The following KCTD19 variants were observed in gnomAD, a reference collection of about 807,000 sequenced individuals.
KCTD19 encodes the protein BTB/POZ domain-containing protein KCTD19.
KCTD19 carries 67 observed loss-of-function variants against 103.5 expected under a neutral mutation model. The ratio of observed to expected loss-of-function variants is 0.65; its 90% confidence interval spans 0.53 to 0.79. The LOEUF is 0.79. Among genes scored for constraint, KCTD19 ranks in the 30% least tolerant of loss-of-function variants. The pLI, the probability that KCTD19 is intolerant of heterozygous loss-of-function variation, is 0.00. For missense variants in KCTD19, 980 were observed against 1,136.1 expected, an observed-to-expected ratio of 0.86 and a Z score of 1.98; for synonymous variants, 439 against 452.2, an observed-to-expected ratio of 0.97 and a Z score of 0.37.
At chr16:67,297,922 C>T (rs1366430095) in intron 6 of KCTD19, among the ~76,000 whole-genome samples, 3 of 152,036 alleles carry the variant, frequency 2.0e-5, no homozygotes, top group Non-Finnish European at 2.9e-5. Context: ...TCCCAAGTAG[C>T]TGGAACTACA....
intron 2 of KCTD19, among the ~76,000 whole-genome samples, chr16:67,309,901 A>G (rs1420575055): frequency 6.6e-6 from 1 of 152,202 alleles, no homozygotes; most frequent in Non-Finnish European, 1.5e-5. Flanking sequence ...CCAAGCATGT[A>G]AAGTGTTAGC....
Position 67,293,923 on chromosome 16 carries a change from G to A in KCTD19, c.1839C>T (p.Cys613=), listed in dbSNP as rs1472416551. 5.0e-6 allele frequency: 8 copies of A among 1,614,144 alleles called. No individual in the cohort carries two copies. The highest frequency in any genetic ancestry group is 6.8e-6 in the Non-Finnish European group (8 of 1,180,022). ...ATTTCTGTGTGAGGTTGATTGTGGT[G>A]CATTTCTTCTTTGGGGGGCTCTCAG... is the stretch of plus-strand genomic sequence containing the variant. The part of the protein sequence containing the change: ...SHPESPPKKK[C]TTINLTQKSE... Residue 613 remains cysteine, a synonymous_variant, in exon 12 of 16, where the codon TGC becomes TGT. Transcript: ENST00000304372. The surrounding 1 kb of genome is among the most constrained non-coding windows in gnomAD (Gnocchi z 4.0).
chr16:67,297,387 G>T, intron 7 of KCTD19, 116 bp downstream of exon 7: 1 of 1,059,330 alleles, frequency 9.4e-7, no homozygotes, highest in Non-Finnish European at 1.4e-6. Context: ...ATATTGGCCT[G>T]GCTTTCCCCT....
chr16:67,310,722 G>A lies in KCTD19; in HGVS notation c.301-6151C>T, dbSNP rs971421260. ...GGCTGACAAATGCGCCCTGATGGCA[G>A]AACTTTGGGACTTAACGGAGGTTTT... On this transcript the variant is annotated intron_variant, in intron 2 of 15. Coordinates refer to ENST00000304372, the MANE Select transcript of KCTD19 (RefSeq NM_001100915.3). Among the ~76,000 whole-genome samples the A allele has an allele frequency of 2.6e-5, 4 of 152,224 alleles. No individual in the cohort carries two copies. In the South Asian group the frequency reaches 6.2e-4, roughly 24 times the overall value.
chr16:67,290,879 C>G lies in KCTD19; in HGVS notation c.2667+6G>C. The G allele has an allele frequency of 6.2e-7, 1 of 1,608,640 alleles. No homozygotes were observed. The highest frequency in any genetic ancestry group is 1.1e-5 in the South Asian group (1 of 90,100). ...TGGATTCCCAGGGATTGCAAGTGGCCCTCACCTCCACCCAGCTGTACAGGC... is the reference window on the plus strand; with the variant it reads ...TGGATTCCCAGGGATTGCAAGTGGCGCTCACCTCCACCCAGCTGTACAGGC... On this transcript the variant is annotated splice_donor_region_variant and intron_variant, in intron 15 of 15. Transcript: ENST00000304372.
At position 67,295,370 on chromosome 16, in the gene KCTD19, G is replaced by A. The variant is rs755931209; in HGVS notation, c.1284C>T (p.Tyr428=). Reference sequence around the variant, plus strand: ...GCAGGGTTTGTCCATATGTGATCCAGTACACTCTCTGAGGGTTGGACAGCA... The same window carrying A: ...GCAGGGTTTGTCCATATGTGATCCAATACACTCTCTGAGGGTTGGACAGCA... ...PELLSNPQRV[Y]WITYGQTLLI... Residue 428 remains tyrosine, a synonymous_variant, in exon 9 of 16, where the codon TAC becomes TAT. Transcript: ENST00000304372. 1.2e-5 allele frequency: 20 copies of A among 1,613,854 alleles called. No individual in the cohort carries two copies. In the Admixed American group the frequency reaches 2.8e-4, roughly 23 times the overall value.
At chr16:67,326,330 C>A (rs1299975150) in intron 1 of KCTD19, among the ~76,000 whole-genome samples, 1 of 152,046 alleles carries the variant, frequency 6.6e-6, no homozygotes, top group Non-Finnish European at 1.5e-5. Flanking sequence ...AGCTCCCCAT[C>A]ATGCCTTAGA....
In KCTD19 at chr16:67,291,477, AAAGTG is replaced by A. The variant is rs2036694139; in HGVS notation, c.2411-19_2411-15del. The A allele has an allele frequency of 3.1e-6, 5 of 1,611,982 alleles. No homozygotes were observed. Among genetic ancestry groups the A allele is most frequent in the Non-Finnish European group, 4.2e-6 (5 of 1,178,870 alleles). On this transcript the variant is annotated splice_polypyrimidine_tract_variant and intron_variant, in intron 13 of 15. Coordinates refer to ENST00000304372, the MANE Select transcript of KCTD19 (RefSeq NM_001100915.3). ...GGAAAGTCACTTCTGTGGAGGAGGG[AAAGTG>A]GATGTGGCCACATCTGTCAATAGCT...
rs1384733913 is a variant in KCTD19 at position 67,300,399 on chromosome 16, G to C, written c.776-826C>G. On this transcript the variant is annotated intron_variant, in intron 5 of 15. Coordinates refer to ENST00000304372, the MANE Select transcript of KCTD19 (RefSeq NM_001100915.3). The surrounding 1 kb of genome is among the most constrained non-coding windows in gnomAD (Gnocchi z 4.5). ...GTTTCCCTTATTGTGATGCTTTGTA[G>C]AAAGCTAAAGCCACCCTTTGTGTTT... is the stretch of plus-strand genomic sequence containing the variant. 2 of 152,262 alleles carry C rather than the reference G, an allele frequency of 1.3e-5. No homozygotes were observed. Among genetic ancestry groups the C allele is most frequent in the South Asian group, 4.1e-4 (2 of 4,838 alleles). The allele number at this position is 152,262 out of a possible 1,614,324, so 9.4% of individuals were successfully genotyped here. A position where few individuals can be genotyped will look rare whatever the true frequency, so the allele number is the denominator to read the frequency against.
At position 67,290,885 on chromosome 16, in the gene KCTD19, C is replaced by T. The variant is rs779077019; in HGVS notation, c.2667G>A (p.Glu889=). 3 of 1,611,042 alleles carry T rather than the reference C, an allele frequency of 1.9e-6. No individual in the cohort carries two copies. The East Asian group carries it at 6.7e-5, about 36-fold the overall frequency. The change falls in exon 15 of 16, where the codon GAG becomes GAA. Residue 889 remains glutamate (E), a splice_region_variant and synonymous_variant. Coordinates refer to ENST00000304372, the MANE Select transcript of KCTD19 (RefSeq NM_001100915.3). The stretch of plus-strand genomic sequence containing the variant: ...CCCAGGGATTGCAAGTGGCCCTCAC[C>T]TCCACCCAGCTGTACAGGCGCTCCT... ...HTQERLYSWV[E]LTLPFARKYG...
rs770378302 is a variant in KCTD19, at chr16:67,301,792, C to T, written c.774G>A (p.Met258Ile). ...TEAVRWYRMNMGGCSPTTCSP... is the reference protein window; with the variant it reads ...TEAVRWYRMNIGGCSPTTCSP... ...AGCCAAGGTTTCCTGGCGACATACC[C>T]ATGTTCATCCGGTACCACCTTACGG... The change falls in exon 5 of 16, where the codon ATG becomes ATA. Residue 258 changes from methionine to isoleucine, a missense_variant and splice_region_variant. Physicochemically the swap from Met to Ile is conservative, Grantham distance 10. Coordinates refer to ENST00000304372, the MANE Select transcript of KCTD19 (RefSeq NM_001100915.3). 1 of 1,613,892 alleles carries T rather than the reference C, an allele frequency of 6.2e-7. No homozygotes were observed. The highest frequency in any genetic ancestry group is 1.3e-5 in the African/African-American group (1 of 75,064).
At chr16:67,313,332 ACTC>A (rs1202958674) in intron 2 of KCTD19, among the ~76,000 whole-genome samples, 4 of 150,634 alleles carry the variant, frequency 2.7e-5, no homozygotes, top group Non-Finnish European at 5.9e-5. Context: ...CTGGTCTTGA[ACTC>A]CTGACCTCAG....
intron 2 of KCTD19, among the ~76,000 whole-genome samples, chr16:67,313,312 G>A (rs1196442696): frequency 6.6e-6 from 1 of 152,086 alleles, no homozygotes; most frequent in Non-Finnish European, 1.5e-5. Context: ...GTTTCACCAT[G>A]TTGGCCAGGC....
intron 1 of KCTD19, 23 bp downstream of exon 1, chr16:67,326,682 C>T (rs1357214660): frequency 2.5e-6 from 4 of 1,581,988 alleles, no homozygotes; most frequent in Non-Finnish European, 3.4e-6. Flanking sequence ...CTTTTGGCGC[C>T]CCCGCCAGAG....
At position 67,320,779 on chromosome 16, in the gene KCTD19, G is replaced by A. The variant is rs1318716720; in HGVS notation, c.110C>T (p.Ser37Phe). 1.2e-6 allele frequency: 2 copies of A among 1,614,166 alleles called. No homozygotes were observed. Among genetic ancestry groups the A allele is most frequent in the East Asian group, 2.2e-5 (1 of 44,886 alleles). The change falls in exon 2 of 16, where the codon TCC (serine) becomes TTC (phenylalanine). Residue 37 changes from serine (S) to phenylalanine (F), a missense_variant. Transcript: ENST00000304372. This position sits in a 1 kb window ranked among gnomAD's most constrained non-coding sequence, Gnocchi z 4.0. ...PRSKLSQFPD[S>F]LLWKEASALT... ...GGCTGAAGCCTCTTTCCACAGCAGG[G>A]AGTCTGGAAACTGAGAGAGTTTGCT...
Position 67,289,687 on chromosome 16 carries a change from A to G in KCTD19, c.2668-5T>C. Reference sequence around the variant, plus strand: ...CCTGGCGAAGGGCAGTGTAAGCTGGAAGGAAAGGCCAGTCTTATCCCTGAT... The same window carrying G: ...CCTGGCGAAGGGCAGTGTAAGCTGGGAGGAAAGGCCAGTCTTATCCCTGAT... On this transcript the variant is annotated splice_region_variant and splice_polypyrimidine_tract_variant and intron_variant, in intron 15 of 15. Coordinates refer to ENST00000304372, the MANE Select transcript of KCTD19 (RefSeq NM_001100915.3). The G allele has an allele frequency of 6.2e-7, 1 of 1,604,792 alleles. No individual in the cohort carries two copies. The highest frequency in any genetic ancestry group is 8.5e-7 in the Non-Finnish European group (1 of 1,171,728).
rs1237356431 is a variant in KCTD19, at chr16:67,293,974, G to A, written c.1788C>T (p.Thr596=). ...GGTGGCTCCCCCAGTGTCCAGGATT[G>A]GTACACAAGCCACGGCAGTGTGAGT... The part of the protein sequence containing the change: ...STYSHCRGLC[T]NPGHWGSHPE... Residue 596 remains threonine, a synonymous_variant, in exon 12 of 16, where the codon ACC becomes ACT. Coordinates refer to ENST00000304372, the MANE Select transcript of KCTD19 (RefSeq NM_001100915.3). This position sits in a 1 kb window ranked among gnomAD's most constrained non-coding sequence, Gnocchi z 4.0. 1 of 1,614,152 alleles carries A rather than the reference G, an allele frequency of 6.2e-7. No homozygotes were observed. The highest frequency in any genetic ancestry group is 1.1e-5 in the South Asian group (1 of 91,084).
chr16:67,293,462 C>G lies in KCTD19; in HGVS notation c.2218+82G>C. The G allele has an allele frequency of 6.7e-7, 1 of 1,492,314 alleles. No individual in the cohort carries two copies. Among genetic ancestry groups the G allele is most frequent in the Non-Finnish European group, 9.1e-7 (1 of 1,098,072 alleles). The allele number at this position is 1,492,314 out of a possible 1,614,324, so 92.4% of individuals were successfully genotyped here. On this transcript the variant is annotated intron_variant, in intron 12 of 15. Coordinates refer to ENST00000304372, the MANE Select transcript of KCTD19 (RefSeq NM_001100915.3). The surrounding 1 kb of genome is among the most constrained non-coding windows in gnomAD (Gnocchi z 4.0). ...GGGGGGGTCTAGTCCTCCTTTGTCACTAACTTGCTCTGCCATCTTGGCCAA... is the reference window on the plus strand; with the variant it reads ...GGGGGGGTCTAGTCCTCCTTTGTCAGTAACTTGCTCTGCCATCTTGGCCAA...
intron 11 of KCTD19, among the ~76,000 whole-genome samples, 184 bp from the exon 12 acceptor site, chr16:67,294,355 T>C (rs1284987446): frequency 6.6e-6 from 1 of 152,254 alleles, no homozygotes; most frequent in Admixed American, 6.5e-5. Context: ...CCCAGTGGCC[T>C]GTCATTCCAA....
Sources: allele counts gnomAD v4.1 joint callset (sites outside exome capture counted in the v4.1 genomes callset), GRCh38; gene constraint gnomAD v4.1.1; non-coding constraint Gnocchi (gnomAD v3.1); transcripts MANE v1.5; gene names NCBI Gene and HGNC (gene_info 2026-07-23, HGNC 2026-07-21).